The following ATXN10 variants were observed in gnomAD, a reference collection of about 807,000 sequenced individuals.
The protein encoded by ATXN10 is ataxin 10, also known as ataxin-10.
In ATXN10, 28 loss-of-function variants were observed where a neutral mutation model predicts 52.9. That is an observed-to-expected ratio of 0.53 (90% confidence interval 0.39 to 0.73). ATXN10 has a LOEUF of 0.73. ATXN10 is among the 30% of genes least tolerant of loss of function. The pLI, the probability that ATXN10 is intolerant of heterozygous loss-of-function variation, is 0.00. For missense variants in ATXN10, 565 were observed against 577.0 expected (o/e 0.98, Z 0.21); for synonymous variants, 226 against 221.5 (o/e 1.02, Z -0.18).
At chr22:45,691,662 G>A (rs577780108) in intron 2 of ATXN10, among the ~76,000 whole-genome samples, 12 of 152,326 alleles carry the variant, frequency 7.9e-5, no homozygotes, top group South Asian at 4.1e-4. Context: ...TTGGGAGGCC[G>A]AGGCGGGTGA....
intron 7 of ATXN10, among the ~76,000 whole-genome samples, chr22:45,737,696 T>C (rs1024955919): frequency 1.4e-5 from 2 of 143,230 alleles, no homozygotes; most frequent in African/African-American, 5.2e-5. Flanking sequence ...ATCTCTTTTT[T>C]TTTTTTTTTT....
rs112345102 is a variant in ATXN10 at position 45,754,901 on chromosome 22, C to T, written c.1173+14363C>T. ...TGCAACAGGCTCTTGGGCAGGCAGC[C>T]ACCATGAAGGGGTGCCAAGAGTATG... is the stretch of plus-strand genomic sequence containing the variant. On this transcript the variant is annotated intron_variant, in intron 9 of 11. Coordinates refer to ENST00000252934, the MANE Select transcript of ATXN10 (RefSeq NM_013236.4). This position sits in a 1 kb window ranked among gnomAD's most constrained non-coding sequence, Gnocchi z 5.4. 0.084 allele frequency among the ~76,000 whole-genome samples: 12,815 copies of T among 152,256 alleles called. 692 individuals carry two copies. Among genetic ancestry groups the T allele is most frequent in the Middle Eastern group, 0.16 (47 of 292 alleles).
At chr22:45,740,983 A>AC (rs1375289774) in intron 9 of ATXN10, among the ~76,000 whole-genome samples, 1 of 152,100 alleles carries the variant, frequency 6.6e-6, no homozygotes, top group African/African-American at 2.4e-5. Flanking sequence ...GTCTTTGAGG[A>AC]CCTAGTAGGC....
intron 5 of ATXN10, among the ~76,000 whole-genome samples, chr22:45,714,096 A>C (rs1213024260): frequency 1.3e-5 from 2 of 151,654 alleles, no homozygotes; most frequent in African/African-American, 4.9e-5. Context: ...GCCAGTGTCA[A>C]CTCCCCTGTC....
rs539237597 is a variant in ATXN10, at chr22:45,836,668, A to G, written c.1238-6323A>G. Among the ~76,000 whole-genome samples the G allele has an allele frequency of 8.7e-4, 132 of 152,092 alleles. 1 individual carries two copies. Among genetic ancestry groups the G allele is most frequent in the African/African-American group, 3.0e-3 (123 of 41,490 alleles). On this transcript the variant is annotated intron_variant, in intron 10 of 11. Coordinates refer to ENST00000252934, the MANE Select transcript of ATXN10 (RefSeq NM_013236.4). Reference sequence around the variant, plus strand: ...GAGGAGGTTGCCTTTTCAGGGCCACACTCTTGGCATGTTTTCTTCTTTGGC... The same window carrying G: ...GAGGAGGTTGCCTTTTCAGGGCCACGCTCTTGGCATGTTTTCTTCTTTGGC...
rs1292605341 is a variant in ATXN10, at chr22:45,835,182, G to A, written c.1238-7809G>A. 6.6e-6 allele frequency among the ~76,000 whole-genome samples: 1 copy of A among 152,202 alleles called. No individual in the cohort carries two copies. Among genetic ancestry groups the A allele is most frequent in the Non-Finnish European group, 1.5e-5 (1 of 68,026 alleles). ...AAGCTTTTGGAGTGGGCAGGGCACA[G>A]GTCATCTTCCCATGACTTCACTGCC... On this transcript the variant is annotated intron_variant, in intron 10 of 11. Transcript: ENST00000252934. The surrounding 1 kb of genome is among the most constrained non-coding windows in gnomAD (Gnocchi z 5.0).
In ATXN10 at chr22:45,751,765, ATAAT is replaced by A. The variant is rs1384269933; in HGVS notation, c.1173+11228_1173+11231del. On this transcript the variant is annotated intron_variant, in intron 9 of 11. Transcript: ENST00000252934. ...GAAAAAAAAAAAAAATAAAAAAAAA[ATAAT>A]AATAATAATAATAATAATAAGATGG... Among the ~76,000 whole-genome samples, 232 of 76,290 alleles carry A rather than the reference ATAAT, an allele frequency of 3.0e-3. 2 individuals are homozygous for A. The highest frequency in any genetic ancestry group is 0.014 in the African/African-American group (224 of 15,780). 50.0% of individuals were successfully genotyped at this position (76,290 alleles called of 152,430 possible).
intron 7 of ATXN10, among the ~76,000 whole-genome samples, chr22:45,730,202 G>C (rs1277094007): frequency 6.6e-6 from 1 of 151,868 alleles, no homozygotes; most frequent in East Asian, 1.9e-4. Flanking sequence ...AAATTAACTG[G>C]ACATGGTGGC....
At chr22:45,832,291 A>G (rs529709739) in intron 10 of ATXN10, among the ~76,000 whole-genome samples, 2 of 151,560 alleles carry the variant, frequency 1.3e-5, no homozygotes, top group East Asian at 1.9e-4. Flanking sequence ...ACTCTCCCTC[A>G]CTCATTCTTC....
intron 9 of ATXN10, among the ~76,000 whole-genome samples, chr22:45,798,655 G>T (rs908970225): frequency 6.6e-6 from 1 of 152,130 alleles, no homozygotes; most frequent in Non-Finnish European, 1.5e-5. Flanking sequence ...AGTAAACAAC[G>T]TGCTGAAGGT....
intron 9 of ATXN10, among the ~76,000 whole-genome samples, chr22:45,742,251 A>G (rs1925565081): frequency 6.6e-6 from 1 of 152,214 alleles, no homozygotes; most frequent in Non-Finnish European, 1.5e-5. Context: ...AGCATAATGT[A>G]TCCTGTAATG....
chr22:45,711,177 T>C (rs931545134), intron 5 of ATXN10, among the ~76,000 whole-genome samples: 1 of 151,976 alleles, frequency 6.6e-6, no homozygotes, highest in East Asian at 1.9e-4. Context: ...TAAAATACTA[T>C]TCAGCAATAA....
At chr22:45,741,828 G>T (rs1039094558) in intron 9 of ATXN10, among the ~76,000 whole-genome samples, 3 of 152,094 alleles carry the variant, frequency 2.0e-5, no homozygotes, top group Non-Finnish European at 4.4e-5. Context: ...TGACACAAAC[G>T]GGCAGATTCT....
intron 6 of ATXN10, among the ~76,000 whole-genome samples, chr22:45,723,295 G>A (rs1601606952): frequency 2.0e-5 from 3 of 152,082 alleles, no homozygotes; most frequent in Admixed American, 2.0e-4. Context: ...TGGATGGGTT[G>A]TATAGTGGTG....
At chr22:45,821,219 T>G (rs773617251) in intron 10 of ATXN10, among the ~76,000 whole-genome samples, 1 of 152,096 alleles carries the variant, frequency 6.6e-6, no homozygotes, top group Non-Finnish European at 1.5e-5. Context: ...AAAGCACTTG[T>G]AGAAACGAGT....
chr22:45,815,902 C>A (rs1928443156), intron 10 of ATXN10, among the ~76,000 whole-genome samples: 1 of 152,138 alleles, frequency 6.6e-6, no homozygotes, highest in African/African-American at 2.4e-5. Context: ...GTGTTGGATA[C>A]AAAATCTTTC....
At position 45,786,120 on chromosome 22, in the gene ATXN10, G is replaced by A. The variant is rs1382990340; in HGVS notation, c.1174-20839G>A. Among the ~76,000 whole-genome samples, 1 of 152,114 alleles carries A rather than the reference G, an allele frequency of 6.6e-6. No homozygotes were observed. Among genetic ancestry groups the A allele is most frequent in the Admixed American group, 6.5e-5 (1 of 15,272 alleles). On this transcript the variant is annotated intron_variant, in intron 9 of 11. Coordinates refer to ENST00000252934, the MANE Select transcript of ATXN10 (RefSeq NM_013236.4). This position sits in a 1 kb window ranked among gnomAD's most constrained non-coding sequence, Gnocchi z 4.1. ...AGAAAATTGCACTAAATTCAGATGT[G>A]AATGTTTGCTAAAGAAAAGATAGTT... is the stretch of plus-strand genomic sequence containing the variant.
chr22:45,828,312 C>T lies in ATXN10; in HGVS notation c.1238-14679C>T, dbSNP rs1482019627. On this transcript the variant is annotated intron_variant, in intron 10 of 11. Coordinates refer to ENST00000252934, the MANE Select transcript of ATXN10 (RefSeq NM_013236.4). The surrounding 1 kb of genome is among the most constrained non-coding windows in gnomAD (Gnocchi z 4.5). ...TAATGCTAAGGGGGAAATTTTATAG[C>T]TATAAATGCTTACATTAAAAAATAA... 1.3e-5 allele frequency among the ~76,000 whole-genome samples: 2 copies of T among 151,402 alleles called. No individual in the cohort carries two copies. Among genetic ancestry groups the T allele is most frequent in the African/African-American group, 2.4e-5 (1 of 41,192 alleles).
rs749961917 is a variant in ATXN10 at position 45,807,100 on chromosome 22, A to G, written c.1237+78A>G. The G allele has an allele frequency of 2.6e-6, 3 of 1,159,382 alleles. No homozygotes were observed. In the South Asian group the frequency reaches 3.7e-5, roughly 14 times the overall value. 71.8% of individuals were successfully genotyped at this position (1,159,382 alleles called of 1,614,324 possible). A position where few individuals can be genotyped will look rare whatever the true frequency, so the allele number is the denominator to read the frequency against. ...AAAACAAGTCCCTTGCCTCATGTTC[A>G]TTCAGTATGTAGCTGGCTGCCTTGC... On this transcript the variant is annotated intron_variant, in intron 10 of 11. Transcript: ENST00000252934.
Sources: allele counts gnomAD v4.1 joint callset (sites outside exome capture counted in the v4.1 genomes callset), GRCh38; gene constraint gnomAD v4.1.1; non-coding constraint Gnocchi (gnomAD v3.1); transcripts MANE v1.5; gene names NCBI Gene and HGNC (gene_info 2026-07-23, HGNC 2026-07-21).